WFDC9: variants seen among roughly 807,000 people sequenced by gnomAD.
WFDC9 encodes the protein WAP four-disulfide core domain 9.
Under a neutral mutation model 9.5 loss-of-function variants are expected in WFDC9, and 9 were observed. The observed-to-expected ratio is 0.95, with a 90% CI of 0.57 to 1.65. WFDC9 has a LOEUF of 1.65. WFDC9 is among the 40% of genes most tolerant of loss of function. The probability of loss-of-function intolerance (pLI) is 0.00; values close to 1 mark genes in which losing one functional copy is unlikely to be tolerated. For missense variants in WFDC9, 87 were observed against 106.7 expected, an observed-to-expected ratio of 0.82 and a Z score of 0.81; for synonymous variants, 33 against 32.3, an observed-to-expected ratio of 1.02 and a Z score of -0.07.
chr20:45,614,356 G>A (rs974334359), intron 2 of WFDC9, among the ~76,000 whole-genome samples: 4 of 152,280 alleles, frequency 2.6e-5, no homozygotes, highest in Non-Finnish European at 5.9e-5. Context: ...GAAAGACACA[G>A]AACTACTGCT....
chr20:45,630,777 G>A (rs183430841), intron 1 of WFDC9: 1 of 1,363,092 alleles, frequency 7.3e-7, no homozygotes, highest in Admixed American at 2.8e-5. Context: ...TCATGACTGA[G>A]ACCTGGGTTC....
At chr20:45,609,201 C>T (rs1330812808) in intron 3 of WFDC9, among the ~76,000 whole-genome samples, 1 of 151,362 alleles carries the variant, frequency 6.6e-6, no homozygotes, top group East Asian at 1.9e-4. Context: ...CTTTTTTTCC[C>T]CTTCTCTTTT....
intron 1 of WFDC9, among the ~76,000 whole-genome samples, chr20:45,623,153 G>A (rs1478705930): frequency 1.3e-5 from 2 of 152,134 alleles, no homozygotes; most frequent in Non-Finnish European, 2.9e-5. Context: ...TGGTCATACA[G>A]TTATTCACCA....
At chr20:45,631,126 C>T in intron 1 of WFDC9, 77 bp downstream of exon 1, 1 of 1,303,500 alleles carries the variant, frequency 7.7e-7, no homozygotes, top group Non-Finnish European at 1.0e-6. Flanking sequence ...AGAACATCAA[C>T]AGGAATGCCG....
chr20:45,609,262 G>A (rs1037678580), intron 3 of WFDC9, among the ~76,000 whole-genome samples: 2 of 150,406 alleles, frequency 1.3e-5, no homozygotes, highest in East Asian at 3.9e-4. Flanking sequence ...GGAGTGCAAC[G>A]GCATGATCTC....
intron 3 of WFDC9, among the ~76,000 whole-genome samples, chr20:45,609,207 CTTTTTTT>C (rs61409671): frequency 7.0e-6 from 1 of 143,408 alleles, no homozygotes; most frequent in Non-Finnish European, 1.5e-5. Flanking sequence ...TTCCCCTTCT[CTTTTTTT>C]TTTTTTTGAG....
At chr20:45,613,926 T>G (rs2235602) in intron 2 of WFDC9, among the ~76,000 whole-genome samples, 55,614 of 151,982 alleles carry the variant, frequency 0.37, 10,617 homozygotes, top group African/African-American at 0.48. Flanking sequence ...TAGATTGCAG[T>G]AGGCCTCTGG....
rs556602812 is a variant in WFDC9, at chr20:45,629,629, G to A, written c.-153+1574C>T. 5.7e-5 allele frequency: 33 copies of A among 583,212 alleles called. No homozygotes were observed. The Admixed American group carries it at 6.0e-4, about 11-fold the overall frequency. The allele number at this position is 583,212 out of a possible 1,614,324, so 36.1% of individuals were successfully genotyped here. On this transcript the variant is annotated intron_variant, in intron 1 of 4. Coordinates refer to ENST00000326000, the MANE Select transcript of WFDC9 (RefSeq NM_147198.4). ...CTGCGGAAGCCCTATCCCACATGACGAACGACAAGGCCAGGGGCAAGCAAA... is the reference window on the plus strand; with the variant it reads ...CTGCGGAAGCCCTATCCCACATGACAAACGACAAGGCCAGGGGCAAGCAAA...
chr20:45,620,648 T>G (rs1264959264), intron 1 of WFDC9, among the ~76,000 whole-genome samples: 1 of 152,210 alleles, frequency 6.6e-6, no homozygotes, highest in Non-Finnish European at 1.5e-5. Context: ...TTTCATTTAT[T>G]GAGGCCATTT....
At position 45,607,942 on chromosome 20, in the gene WFDC9, G is replaced by C. The variant is rs1038311251; in HGVS notation, c.*168C>G. On this transcript the variant is annotated 3_prime_UTR_variant, in exon 5 of 5. Coordinates refer to ENST00000326000, the MANE Select transcript of WFDC9 (RefSeq NM_147198.4). ...TAAAAAAAAATATGCAGAGCCCTCA[G>C]GTTGATGTAGCAGTTTATTTGACAA... 2.3e-5 allele frequency: 18 copies of C among 776,466 alleles called. No homozygotes were observed. Among genetic ancestry groups the C allele is most frequent in the Non-Finnish European group, 3.7e-5 (17 of 453,806 alleles). 48.1% of individuals were successfully genotyped at this position (776,466 alleles called of 1,614,324 possible).
At chr20:45,611,090 G>A (rs73908164) in intron 2 of WFDC9, among the ~76,000 whole-genome samples, 1,926 of 152,306 alleles carry the variant, frequency 0.013, 42 homozygotes, top group African/African-American at 0.045. Flanking sequence ...GACATTTCAT[G>A]TTTCCAATGA....
At chr20:45,614,903 A>T (rs978779) in intron 1 of WFDC9, among the ~76,000 whole-genome samples, 182 bp from the exon 2 acceptor site, 102,094 of 151,976 alleles carry the variant, frequency 0.67, 35,253 homozygotes, top group East Asian at 1. Flanking sequence ...GATCCTCTGA[A>T]AAGCTGGGAA....
intron 1 of WFDC9, among the ~76,000 whole-genome samples, chr20:45,630,185 C>T (rs1416503053): frequency 6.6e-6 from 1 of 152,142 alleles, no homozygotes; most frequent in East Asian, 1.9e-4. Flanking sequence ...CGCACCAGGG[C>T]TGAGAATCCA....
intron 1 of WFDC9, among the ~76,000 whole-genome samples, chr20:45,616,533 G>A (rs902718772): frequency 2.0e-5 from 3 of 152,162 alleles, no homozygotes; most frequent in Non-Finnish European, 2.9e-5. Context: ...ATCATGGTAT[G>A]TAGAATAGTG....
intron 1 of WFDC9, among the ~76,000 whole-genome samples, chr20:45,621,385 A>G (rs1470518763): frequency 6.6e-6 from 1 of 152,204 alleles, no homozygotes; most frequent in African/African-American, 2.4e-5. Context: ...GACAACACCA[A>G]ACTTTATGAA....
intron 2 of WFDC9, among the ~76,000 whole-genome samples, chr20:45,611,807 A>G (rs1044638401): frequency 6.6e-6 from 1 of 152,172 alleles, no homozygotes; most frequent in African/African-American, 2.4e-5. Context: ...GTTAGGTTAC[A>G]TTTCCACCTA....
chr20:45,615,758 G>A (rs1370353340), intron 1 of WFDC9, among the ~76,000 whole-genome samples: 1 of 149,978 alleles, frequency 6.7e-6, no homozygotes, highest in Non-Finnish European at 1.5e-5. Context: ...ATTCTAAACA[G>A]TTTCTAATAG....
At chr20:45,622,248 C>T (rs898159127) in intron 1 of WFDC9, among the ~76,000 whole-genome samples, 2 of 152,082 alleles carry the variant, frequency 1.3e-5, no homozygotes, top group Non-Finnish European at 2.9e-5. Context: ...TCTGATTATT[C>T]TTCTTCTTTG....
chr20:45,631,031 G>A (rs201723680), intron 1 of WFDC9, 172 bp downstream of exon 1: 11 of 1,582,728 alleles, frequency 7.0e-6, no homozygotes, highest in East Asian at 4.5e-5. Context: ...GGGAGAGTGG[G>A]CTGGGATGTG....
Sources: allele counts gnomAD v4.1 joint callset (sites outside exome capture counted in the v4.1 genomes callset), GRCh38; gene constraint gnomAD v4.1.1; transcripts MANE v1.5; gene names NCBI Gene and HGNC (gene_info 2026-07-23, HGNC 2026-07-21).